WWOX: variants seen among roughly 807,000 people sequenced by gnomAD.
WWOX encodes WW domain containing oxidoreductase.
A neutral mutation model predicts 46.2 loss-of-function variants in WWOX; 69 were observed. The ratio of observed to expected loss-of-function variants is 1.49; its 90% CI spans 1.23 to 1.82. WWOX has a LOEUF of 1.82. Among genes scored for constraint, WWOX ranks in the 40% most tolerant of loss-of-function variants. The pLI is 0.00. For missense variants in WWOX, 919 were observed against 542.6 expected, an observed-to-expected ratio of 1.69 and a Z score of -6.89; for synonymous variants, 359 against 202.6, an observed-to-expected ratio of 1.77 and a Z score of -6.56.
intron 8 of WWOX, among the ~76,000 whole-genome samples, chr16:78,959,699 C>G (rs1024334714): frequency 6.6e-6 from 1 of 152,064 alleles, no homozygotes; most frequent in African/African-American, 2.4e-5. Context: ...CTGATGAGAC[C>G]CCCCTGCAAC....
At chr16:78,859,782 G>A (rs1400998419) in intron 8 of WWOX, among the ~76,000 whole-genome samples, 2 of 152,092 alleles carry the variant, frequency 1.3e-5, no homozygotes, top group Admixed American at 6.6e-5. Flanking sequence ...GATGGACATC[G>A]ATAGTTAAGT....
intron 5 of WWOX, among the ~76,000 whole-genome samples, chr16:78,332,588 C>G (rs537671906): frequency 6.6e-6 from 1 of 152,168 alleles, no homozygotes; most frequent in Non-Finnish European, 1.5e-5. Context: ...TTATATAGTT[C>G]AATTAAGCGG....
At chr16:78,622,634 C>G (rs1427805244) in intron 8 of WWOX, among the ~76,000 whole-genome samples, 1 of 152,006 alleles carries the variant, frequency 6.6e-6, no homozygotes, top group Non-Finnish European at 1.5e-5. Flanking sequence ...CTCCTGGTGT[C>G]CAAGGCCTGA....
Position 78,368,829 on chromosome 16 carries a change from C to A in WWOX, c.517-18031C>A, listed in dbSNP as rs574211630. ...GGATAGGTGACTACAGAGCCAGATT[C>A]GAATGTGGCCCTGTGCCGGTGCCCA... On this transcript the variant is annotated intron_variant, in intron 5 of 8. Transcript: ENST00000566780. 3.3e-5 allele frequency among the ~76,000 whole-genome samples: 5 copies of A among 152,276 alleles called. No homozygotes were observed. The South Asian group carries it at 8.3e-4, about 25-fold the overall frequency.
intron 4 of WWOX, among the ~76,000 whole-genome samples, chr16:78,158,340 C>G (rs1356483851): frequency 6.6e-6 from 1 of 152,170 alleles, no homozygotes; most frequent in Non-Finnish European, 1.5e-5. Context: ...GTAGAATTGA[C>G]TACTTTGTTA....
chr16:78,800,480 C>T (rs2050857962), intron 8 of WWOX, among the ~76,000 whole-genome samples: 2 of 152,164 alleles, frequency 1.3e-5, no homozygotes, highest in African/African-American at 4.8e-5. Flanking sequence ...ATCCACACTT[C>T]TTCTTTCTCC....
intron 8 of WWOX, among the ~76,000 whole-genome samples, chr16:79,076,061 G>C (rs182464488): frequency 1.3e-3 from 194 of 152,244 alleles, no homozygotes; most frequent in Middle Eastern, 3.4e-3. Flanking sequence ...ATGTTTCTTA[G>C]AAATTTGTTA....
At chr16:78,926,261 T>C (rs1001349438) in intron 8 of WWOX, among the ~76,000 whole-genome samples, 5 of 151,948 alleles carry the variant, frequency 3.3e-5, no homozygotes, top group African/African-American at 1.2e-4. Flanking sequence ...TGGTTTCAGC[T>C]ACCTGGGAGG....
At chr16:79,163,392 G>C (rs998295815) in intron 8 of WWOX, among the ~76,000 whole-genome samples, 1 of 152,178 alleles carries the variant, frequency 6.6e-6, no homozygotes, top group Non-Finnish European at 1.5e-5. Flanking sequence ...AGTAGGAATC[G>C]TCATTAAGGC....
chr16:79,083,185 G>A (rs142545978), intron 8 of WWOX, among the ~76,000 whole-genome samples: 1 of 152,290 alleles, frequency 6.6e-6, no homozygotes, highest in East Asian at 1.9e-4. Flanking sequence ...CCCTACTTGA[G>A]GGCGCAGGTA....
chr16:78,502,922 G>A (rs2085106743), intron 8 of WWOX, among the ~76,000 whole-genome samples: 2 of 152,208 alleles, frequency 1.3e-5, no homozygotes, highest in South Asian at 4.2e-4. Context: ...CCTGCTTCCA[G>A]CGATAGCAAG....
At chr16:78,203,251 C>T (rs2036288690) in intron 5 of WWOX, among the ~76,000 whole-genome samples, 1 of 152,124 alleles carries the variant, frequency 6.6e-6, no homozygotes, top group South Asian at 2.1e-4. Flanking sequence ...CCACCTTTGC[C>T]TGCCCATCCT....
At chr16:78,513,400 T>C (rs1170823163) in intron 8 of WWOX, among the ~76,000 whole-genome samples, 3 of 152,180 alleles carry the variant, frequency 2.0e-5, no homozygotes, top group Non-Finnish European at 4.4e-5. Context: ...TCCACTGCCC[T>C]GGTGGGGGAA....
chr16:78,467,033 A>G (rs2084096554), intron 8 of WWOX, among the ~76,000 whole-genome samples: 1 of 152,172 alleles, frequency 6.6e-6, no homozygotes. Context: ...AACGTACCTT[A>G]TCTCTTGACC....
chr16:78,217,727 G>C (rs562411914), intron 5 of WWOX, among the ~76,000 whole-genome samples: 1 of 152,208 alleles, frequency 6.6e-6, no homozygotes, highest in East Asian at 1.9e-4. Context: ...TCAGCAGACA[G>C]TTTCTTCACT....
At chr16:78,176,964 C>T (rs1407307620) in intron 5 of WWOX, among the ~76,000 whole-genome samples, 4 of 152,164 alleles carry the variant, frequency 2.6e-5, no homozygotes, top group Non-Finnish European at 5.9e-5. Context: ...GGTCCCTGAC[C>T]TGCAGCATCA....
chr16:78,486,559 A>AGTTTTGTTTTGTTTT (rs541455368), intron 8 of WWOX, among the ~76,000 whole-genome samples: 2,837 of 137,630 alleles, frequency 0.021, 91 homozygotes, highest in African/African-American at 0.067. Context: ...ATTGACTTCC[A>AGTTTTGTTTTGTTTT]GTTTTGTTTT....
intron 8 of WWOX, among the ~76,000 whole-genome samples, chr16:78,555,374 T>C (rs922430843): frequency 7.2e-5 from 11 of 152,278 alleles, no homozygotes; most frequent in Non-Finnish European, 1.2e-4. Context: ...GGCACAGTTA[T>C]TGTTGAATAC....
chr16:78,324,363 C>G (rs1361870307), intron 5 of WWOX, among the ~76,000 whole-genome samples: 1 of 152,078 alleles, frequency 6.6e-6, no homozygotes. Context: ...AATGGTACAG[C>G]TAACTTGGAA....
Sources: gnomAD v4.1 joint callset for allele counts (sites outside exome capture counted in the v4.1 genomes callset) on GRCh38, gnomAD v4.1.1 for gene constraint, MANE v1.5 for transcripts, NCBI Gene and HGNC (gene_info 2026-07-23, HGNC 2026-07-21) for gene names.